PUS7L: variants seen among roughly 807,000 people sequenced by gnomAD.
PUS7L encodes pseudouridine synthase 7 like, also known as pseudouridylate synthase PUS7L.
In PUS7L, 49 loss-of-function variants were observed where a neutral mutation model predicts 51.1. That is an observed-to-expected ratio of 0.96 (90% confidence interval 0.76 to 1.22). The LOEUF (loss-of-function observed/expected upper bound fraction) is 1.22. PUS7L is among the 50% of genes most tolerant of loss of function. PUS7L has a pLI of 0.00. For missense variants in PUS7L, 828 were observed against 820.6 expected, an observed-to-expected ratio of 1.01 and a Z score of -0.11; for synonymous variants, 277 against 276.2, an observed-to-expected ratio of 1.00 and a Z score of -0.03.
At chr12:43,758,527 C>T (rs1413700702) in intron 1 of PUS7L, 1 of 985,616 alleles carries the variant, frequency 1.0e-6, no homozygotes. Context: ...AAGGTGTCCC[C>T]GACAAGGCCA....
At chr12:43,741,843 C>T (rs1012076824) in intron 5 of PUS7L, among the ~76,000 whole-genome samples, 6 of 152,030 alleles carry the variant, frequency 3.9e-5, no homozygotes, top group Non-Finnish European at 8.8e-5. Context: ...GGTGAGTGAA[C>T]GAGATACTAT....
intron 2 of PUS7L, 26 bp from the exon 3 acceptor site, chr12:43,748,635 A>C: frequency 6.4e-7 from 1 of 1,552,952 alleles, no homozygotes; most frequent in Non-Finnish European, 8.7e-7. Flanking sequence ...AACTTAGATC[A>C]CAAAAAAAGC....
chr12:43,753,886 G>A (rs1243094426), intron 2 of PUS7L, among the ~76,000 whole-genome samples: 1 of 152,086 alleles, frequency 6.6e-6, no homozygotes, highest in African/African-American at 2.4e-5. Flanking sequence ...CCTACCTTGG[G>A]TAGGGAAATA....
chr12:43,758,071 T>C (rs1334600748), intron 1 of PUS7L, among the ~76,000 whole-genome samples: 2 of 152,134 alleles, frequency 1.3e-5, no homozygotes, highest in Non-Finnish European at 2.9e-5. Flanking sequence ...CTGATGGAAA[T>C]GAGCAAGATG....
At chr12:43,748,730 T>C (rs898941881) in intron 2 of PUS7L, 121 bp from the exon 3 acceptor site, 1 of 879,648 alleles carries the variant, frequency 1.1e-6, no homozygotes, top group Non-Finnish European at 1.7e-6. Flanking sequence ...GTTGTTGTTG[T>C]TGTTGTTGTT....
intron 7 of PUS7L, among the ~76,000 whole-genome samples, chr12:43,736,145 A>C (rs556847391): frequency 6.6e-6 from 1 of 152,084 alleles, no homozygotes; most frequent in Non-Finnish European, 1.5e-5. Context: ...TTTTTAAAGG[A>C]AGCTTTACTA....
In PUS7L at chr12:43,725,986, C is replaced by A. The variant is rs545861385; in HGVS notation, c.*4390G>T. ...TTTTTACAGCTCACAAAAAAAAAAT[C>A]AAGGTGTTTTAATTTTAATATTAGT... On this transcript the variant is annotated 3_prime_UTR_variant, in exon 9 of 9. Coordinates refer to ENST00000344862, the MANE Select transcript of PUS7L (RefSeq NM_031292.5). The A allele has an allele frequency of 6.4e-4, 97 of 152,084 alleles. No individual in the cohort carries two copies. The highest frequency in any genetic ancestry group is 2.3e-3 in the African/African-American group (96 of 41,480). The allele number at this position is 152,084 out of a possible 1,614,324, so 9.4% of individuals were successfully genotyped here.
intron 5 of PUS7L, chr12:43,739,019 A>C: frequency 6.4e-6 from 1 of 156,700 alleles, no homozygotes. Context: ...GTATTGTTAC[A>C]GAAGAAAAAA....
At chr12:43,752,142 G>A (rs536411243) in intron 2 of PUS7L, among the ~76,000 whole-genome samples, 3 of 152,246 alleles carry the variant, frequency 2.0e-5, no homozygotes, top group African/African-American at 4.8e-5. Flanking sequence ...CTTCCATTCT[G>A]TAGGTTGCCT....
chr12:43,754,381 T>G lies in PUS7L; in HGVS notation c.865A>C (p.Lys289Gln). 6.2e-7 allele frequency: 1 copy of G among 1,609,564 alleles called. No individual in the cohort carries two copies. Among genetic ancestry groups the G allele is most frequent in the Non-Finnish European group, 8.5e-7 (1 of 1,178,578 alleles). ...TCTTGGCATTCAGAAAGAGGCCTTT[T>G]CCCACGTTTGTGTGCTTTTTCCCGA... Reference protein sequence around the residue: ...RFREKAHKRGKRPLSECQEGK... With the variant: ...RFREKAHKRGQRPLSECQEGK... The change falls in exon 2 of 9, where the codon AAA (lysine) becomes CAA (glutamine). Residue 289 changes from lysine to glutamine, a missense_variant. Transcript: ENST00000344862.
intron 2 of PUS7L, among the ~76,000 whole-genome samples, chr12:43,750,767 T>A (rs908655280): frequency 2.0e-5 from 3 of 152,158 alleles, no homozygotes; most frequent in African/African-American, 7.2e-5. Flanking sequence ...TACTCTAATT[T>A]TCTGCCTAGA....
intron 1 of PUS7L, among the ~76,000 whole-genome samples, chr12:43,757,804 CTCACAA>C (rs1433367273): frequency 1.3e-5 from 2 of 152,152 alleles, no homozygotes; most frequent in Non-Finnish European, 2.9e-5. Context: ...AGGCAGAGAC[CTCACAA>C]GTAATGTACA....
chr12:43,755,064 T>C lies in PUS7L; in HGVS notation c.182A>G (p.Gln61Arg). Residue 61 changes from glutamine (Q) to arginine (R), a missense_variant, in exon 2 of 9, where the codon CAA (glutamine) becomes CGA (arginine). Transcript: ENST00000344862. ...TTTGGGAAAATTATTTGGCTCAAGT[T>C]GTATTTCACTAATCTTGAAAATAGG... ...DEPIFKISEIQLEPNNFPKKP... is the reference protein window; with the variant it reads ...DEPIFKISEIRLEPNNFPKKP... 1 of 1,613,558 alleles carries C rather than the reference T, an allele frequency of 6.2e-7. No homozygotes were observed. The highest frequency in any genetic ancestry group is 8.5e-7 in the Non-Finnish European group (1 of 1,179,720).
At position 43,726,170 on chromosome 12, in the gene PUS7L, A is replaced by G. The variant is rs1165210939; in HGVS notation, c.*4206T>C. On this transcript the variant is annotated 3_prime_UTR_variant, in exon 9 of 9. Transcript: ENST00000344862. ...ACTACAAGGCTATAGTAACCAAAACAGCATGGTACTGGTACAAAAACAGAC... is the reference window on the plus strand; with the variant it reads ...ACTACAAGGCTATAGTAACCAAAACGGCATGGTACTGGTACAAAAACAGAC... 6.6e-6 allele frequency: 1 copy of G among 152,200 alleles called. No homozygotes were observed. The allele number at this position is 152,200 out of a possible 1,614,324, so 9.4% of individuals were successfully genotyped here. A position where few individuals can be genotyped will look rare whatever the true frequency, so the allele number is the denominator to read the frequency against.
At chr12:43,755,974 A>T (rs1938681380) in intron 1 of PUS7L, among the ~76,000 whole-genome samples, 7 of 152,176 alleles carry the variant, frequency 4.6e-5, no homozygotes, top group Admixed American at 4.6e-4. Flanking sequence ...CACTTTTCAC[A>T]CAAACCCATG....
intron 4 of PUS7L, among the ~76,000 whole-genome samples, chr12:43,744,503 C>T (rs189422855): frequency 2.0e-5 from 3 of 152,314 alleles, no homozygotes; most frequent in Admixed American, 6.5e-5. Context: ...TTTCCTGAGG[C>T]CTCCCCACCT....
intron 7 of PUS7L, among the ~76,000 whole-genome samples, chr12:43,733,061 G>A (rs751811902): frequency 3.9e-5 from 6 of 152,102 alleles, no homozygotes; most frequent in Non-Finnish European, 4.4e-5. Flanking sequence ...ATTCCCTCCA[G>A]GTTGATATCC....
At chr12:43,731,684 G>A (rs1944558073) in intron 8 of PUS7L, 21 bp downstream of exon 8, 2 of 1,447,492 alleles carry the variant, frequency 1.4e-6, no homozygotes, top group Non-Finnish European at 1.9e-6. Context: ...CTAAGTGATA[G>A]TAATTTTTAA....
chr12:43,740,443 A>G (rs1314640689), intron 5 of PUS7L, among the ~76,000 whole-genome samples: 1 of 152,230 alleles, frequency 6.6e-6, no homozygotes, highest in Non-Finnish European at 1.5e-5. Context: ...TAAATAAGCA[A>G]TAACAATAAA....
Sources: allele counts gnomAD v4.1 joint callset (sites outside exome capture counted in the v4.1 genomes callset), GRCh38; gene constraint gnomAD v4.1.1; transcripts MANE v1.5; gene names NCBI Gene and HGNC (gene_info 2026-07-23, HGNC 2026-07-21).